The following ERC2 variants were observed in gnomAD, a reference collection of about 807,000 sequenced individuals.
ERC2 encodes the protein ERC protein 2.
Under a neutral mutation model 114.8 loss-of-function variants are expected in ERC2, and 42 were observed. The observed-to-expected ratio is 0.37, with a 90% CI of 0.29 to 0.47. The LOEUF (loss-of-function observed/expected upper bound fraction) is 0.47, where lower values mean the gene tolerates loss of function less well. Among genes scored for constraint, ERC2 ranks in the 20% least tolerant of loss-of-function variants. ERC2 has a pLI of 0.99. For missense variants in ERC2, 939 were observed against 1,150.7 expected, an observed-to-expected ratio of 0.82 and a Z score of 2.66; for synonymous variants, 454 against 425.5, an observed-to-expected ratio of 1.07 and a Z score of -0.82.
At chr3:56,430,494 C>T (rs1356214785) in intron 2 of ERC2, among the ~76,000 whole-genome samples, 4 of 152,124 alleles carry the variant, frequency 2.6e-5, no homozygotes, top group African/African-American at 9.7e-5. Context: ...TTTAAGAAAA[C>T]ACATCATGAG....
At chr3:55,734,456 A>G (rs1375495497) in intron 15 of ERC2, among the ~76,000 whole-genome samples, 1 of 152,238 alleles carries the variant, frequency 6.6e-6, no homozygotes, top group Non-Finnish European at 1.5e-5. Flanking sequence ...ATAAGTTTCT[A>G]GAATTTAATC....
At chr3:56,460,892 G>A (rs183080727) in intron 1 of ERC2, among the ~76,000 whole-genome samples, 88 of 151,504 alleles carry the variant, frequency 5.8e-4, no homozygotes, top group East Asian at 3.3e-3. Context: ...AGGCCGAGGC[G>A]GGCGGATCAC....
chr3:56,285,020 C>CACACAT (rs2054591899), intron 3 of ERC2, among the ~76,000 whole-genome samples: 2 of 130,660 alleles, frequency 1.5e-5, no homozygotes, highest in African/African-American at 6.2e-5. Context: ...CTCACACACA[C>CACACAT]ACACACACAC....
intron 17 of ERC2, among the ~76,000 whole-genome samples, chr3:55,629,794 G>A (rs1440956480): frequency 6.6e-6 from 1 of 152,192 alleles, no homozygotes; most frequent in Admixed American, 6.5e-5. Flanking sequence ...TATAAAACAG[G>A]GGAATGTGAC....
intron 14 of ERC2, among the ~76,000 whole-genome samples, chr3:55,793,447 T>C (rs1344419638): frequency 6.6e-6 from 1 of 152,090 alleles, no homozygotes; most frequent in Non-Finnish European, 1.5e-5. Flanking sequence ...TGCCTAAGAG[T>C]AAGCAGAAAA....
chr3:55,683,039 T>A (rs2062135699), intron 17 of ERC2, among the ~76,000 whole-genome samples: 1 of 152,212 alleles, frequency 6.6e-6, no homozygotes, highest in African/African-American at 2.4e-5. Context: ...AAAGGGTGGA[T>A]TCTCAATAGC....
intron 2 of ERC2, among the ~76,000 whole-genome samples, chr3:56,317,456 C>T (rs933199448): frequency 6.6e-6 from 1 of 152,042 alleles, no homozygotes; most frequent in Non-Finnish European, 1.5e-5. Context: ...AGGGGGGCGA[C>T]GTAAATGGAG....
chr3:55,651,472 A>C (rs931483262), intron 17 of ERC2, among the ~76,000 whole-genome samples: 1 of 152,192 alleles, frequency 6.6e-6, no homozygotes, highest in Non-Finnish European at 1.5e-5. Flanking sequence ...GATCGAGCGG[A>C]CACTGATTTT....
intron 17 of ERC2, among the ~76,000 whole-genome samples, chr3:55,536,007 AAACAAC>A (rs546940453): frequency 6.6e-6 from 1 of 152,144 alleles, no homozygotes; most frequent in African/African-American, 2.4e-5. Flanking sequence ...CTCAAAAACA[AAACAAC>A]AACAACAACA....
chr3:56,288,417 C>G (rs186447410), intron 3 of ERC2, among the ~76,000 whole-genome samples: 1 of 152,316 alleles, frequency 6.6e-6, no homozygotes, highest in African/African-American at 2.4e-5. Context: ...CCCACACCCC[C>G]AACCCTGTCA....
intron 17 of ERC2, among the ~76,000 whole-genome samples, chr3:55,598,842 ATTC>A (rs1432286678): frequency 6.6e-6 from 1 of 152,222 alleles, no homozygotes; most frequent in Non-Finnish European, 1.5e-5. Flanking sequence ...TCTGGGGAAC[ATTC>A]TTCTTTGACC....
At chr3:55,835,184 C>A (rs1291955295) in intron 14 of ERC2, among the ~76,000 whole-genome samples, 1 of 152,130 alleles carries the variant, frequency 6.6e-6, no homozygotes, top group Non-Finnish European at 1.5e-5. Context: ...CAAGGAGGAA[C>A]TGGTACCATT....
At position 56,229,696 on chromosome 3, in the gene ERC2, T is replaced by C. The variant is rs190994970; in HGVS notation, c.1075-56176A>G. Among the ~76,000 whole-genome samples, 261 of 152,208 alleles carry C rather than the reference T, an allele frequency of 1.7e-3. 4 individuals are homozygous for C. The highest frequency in any genetic ancestry group is 6.0e-4 in the Non-Finnish European group (41 of 68,022). ...TTATTAATTACTTAAGCAGAAGACA[T>C]GATGTGGATTGAGACATCTCTAATA... On this transcript the variant is annotated intron_variant, in intron 3 of 17. Coordinates refer to ENST00000288221, the MANE Select transcript of ERC2 (RefSeq NM_015576.3).
intron 3 of ERC2, among the ~76,000 whole-genome samples, chr3:56,194,842 CCCACTG>C (rs917532113): frequency 6.6e-6 from 1 of 151,816 alleles, no homozygotes; most frequent in Non-Finnish European, 1.5e-5. Context: ...TACCTCTAAT[CCCACTG>C]TGAGAGATAA....
intron 17 of ERC2, among the ~76,000 whole-genome samples, chr3:55,675,892 CTCTTT>C (rs1559484740): frequency 1.1e-5 from 1 of 91,548 alleles, no homozygotes; most frequent in Non-Finnish European, 2.1e-5. Flanking sequence ...ATCTTTCTTT[CTCTTT>C]TCTTTCTTTT....
At chr3:56,438,848 T>G (rs562406247) in intron 1 of ERC2, among the ~76,000 whole-genome samples, 39 of 152,350 alleles carry the variant, frequency 2.6e-4, no homozygotes, top group Non-Finnish European at 5.3e-4. Flanking sequence ...GCCAAGGCTT[T>G]GGAGAATCCC....
chr3:55,584,675 T>G (rs2057502097), intron 17 of ERC2, among the ~76,000 whole-genome samples: 2 of 151,988 alleles, frequency 1.3e-5, no homozygotes, highest in African/African-American at 2.4e-5. Context: ...ATAACCCACA[T>G]CTCCCTGCTG....
At chr3:56,099,071 A>G (rs2078212960) in intron 6 of ERC2, among the ~76,000 whole-genome samples, 1 of 152,176 alleles carries the variant, frequency 6.6e-6, no homozygotes, top group Non-Finnish European at 1.5e-5. Context: ...TAAGCCCTAA[A>G]TCCAAAGATG....
intron 14 of ERC2, among the ~76,000 whole-genome samples, chr3:55,857,813 T>G (rs577292476): frequency 2.2e-4 from 34 of 152,274 alleles, no homozygotes; most frequent in African/African-American, 7.7e-4. Flanking sequence ...AAACACTCGA[T>G]TTTCAATGAT....
Sources: gnomAD v4.1 joint callset for allele counts (sites outside exome capture counted in the v4.1 genomes callset) on GRCh38, gnomAD v4.1.1 for gene constraint, MANE v1.5 for transcripts, NCBI Gene and HGNC (gene_info 2026-07-23, HGNC 2026-07-21) for gene names.